The following GPC6 variants were observed in gnomAD, a reference collection of about 807,000 sequenced individuals.
GPC6 encodes the protein glypican 6.
Under a neutral mutation model 55.2 loss-of-function variants are expected in GPC6, and 14 were observed. The ratio of observed to expected loss-of-function variants is 0.25; its 90% CI spans 0.17 to 0.40. GPC6 has a LOEUF of 0.40. Among genes scored for constraint, GPC6 ranks in the 10% least tolerant of loss-of-function variants. The pLI, the probability that GPC6 is intolerant of heterozygous loss-of-function variation, is 1.00. For missense variants in GPC6, 641 were observed against 708.5 expected, an observed-to-expected ratio of 0.90 and a Z score of 1.08; for synonymous variants, 278 against 259.6, an observed-to-expected ratio of 1.07 and a Z score of -0.68.
rs138238361 is a variant in GPC6 at position 94,286,413 on chromosome 13, G to A, written c.942G>A (p.Pro314=). The change falls in exon 5 of 9, where the codon CCG becomes CCA. Residue 314 remains proline (P), a synonymous_variant. Transcript: ENST00000377047. ...GPFNIESVMD[P]IDVKISEAIM... ...TCAACATTGAGTCGGTCATGGACCCGATAGATGTCAAGATTTCTGAAGCCA... is the reference window on the plus strand; with the variant it reads ...TCAACATTGAGTCGGTCATGGACCCAATAGATGTCAAGATTTCTGAAGCCA... 1.7e-5 allele frequency: 28 copies of A among 1,613,492 alleles called. No individual in the cohort carries two copies. The highest frequency in any genetic ancestry group is 9.3e-5 in the African/African-American group (7 of 74,888).
chr13:93,801,031 T>A (rs938418233), intron 2 of GPC6, among the ~76,000 whole-genome samples: 1 of 152,220 alleles, frequency 6.6e-6, no homozygotes, highest in African/African-American at 2.4e-5. Flanking sequence ...AATGGCACAG[T>A]TATTTTTAAA....
At chr13:93,448,886 A>T (rs1000845428) in intron 1 of GPC6, among the ~76,000 whole-genome samples, 7 of 152,208 alleles carry the variant, frequency 4.6e-5, no homozygotes, top group African/African-American at 1.7e-4. Context: ...AATAAAAACA[A>T]AATAAAACTT....
chr13:94,030,318 CTTT>C (rs987254186), intron 4 of GPC6, among the ~76,000 whole-genome samples: 1 of 152,042 alleles, frequency 6.6e-6, no homozygotes, highest in Admixed American at 6.6e-5. Context: ...CCCTCTGTCT[CTTT>C]TTTTAATTAG....
In GPC6 at chr13:93,975,272, G is replaced by T. The variant is rs913179996; in HGVS notation, c.712-52457G>T. Among the ~76,000 whole-genome samples, 4 of 152,190 alleles carry T rather than the reference G, an allele frequency of 2.6e-5. No homozygotes were observed. In the East Asian group the frequency reaches 5.8e-4, roughly 22 times the overall value. On this transcript the variant is annotated intron_variant, in intron 3 of 8. Transcript: ENST00000377047. ...TAAAAAGAAATTATGTTAAACTCTTGCCAAAGGAATATTACGTTAGGGTTT... is the reference window on the plus strand; with the variant it reads ...TAAAAAGAAATTATGTTAAACTCTTTCCAAAGGAATATTACGTTAGGGTTT...
intron 1 of GPC6, among the ~76,000 whole-genome samples, chr13:93,496,109 G>A (rs113023352): frequency 0.19 from 29,463 of 151,986 alleles, 3,044 homozygotes; most frequent in Middle Eastern, 0.27. Context: ...AATGGTTGGC[G>A]CCCCTCCCCC....
intron 4 of GPC6, among the ~76,000 whole-genome samples, chr13:94,091,676 G>T (rs894691488): frequency 6.6e-6 from 1 of 152,038 alleles, no homozygotes; most frequent in African/African-American, 2.4e-5. Flanking sequence ...TCACTAGGTG[G>T]TTATTTAAAT....
chr13:94,242,584 GA>G (rs1333284251), intron 4 of GPC6, among the ~76,000 whole-genome samples: 1 of 152,026 alleles, frequency 6.6e-6, no homozygotes, highest in East Asian at 1.9e-4. Flanking sequence ...GCAGAAATCA[GA>G]CCATTCATTT....
intron 1 of GPC6, among the ~76,000 whole-genome samples, chr13:93,414,654 C>T (rs1876630437): frequency 6.6e-6 from 1 of 151,992 alleles, no homozygotes; most frequent in Non-Finnish European, 1.5e-5. Flanking sequence ...ATGTGTGGTG[C>T]CTGGGCAGAG....
At chr13:93,904,297 G>A (rs1453347627) in intron 3 of GPC6, among the ~76,000 whole-genome samples, 5 of 152,096 alleles carry the variant, frequency 3.3e-5, no homozygotes, top group Admixed American at 6.6e-5. Context: ...CTTACAAATC[G>A]CAACTGCAGC....
chr13:93,395,342 C>G, intron 1 of GPC6: 5 of 449,830 alleles, frequency 1.1e-5, no homozygotes, highest in Middle Eastern at 7.3e-4. Context: ...CCCAACTTCA[C>G]AGTTGTGTCC....
chr13:93,330,445 C>T (rs79743984), intron 1 of GPC6, among the ~76,000 whole-genome samples: 4,891 of 151,894 alleles, frequency 0.032, 278 homozygotes, highest in African/African-American at 0.11. Context: ...GGAGCATTGT[C>T]TGAGTGTGGA....
intron 4 of GPC6, among the ~76,000 whole-genome samples, chr13:94,256,896 A>T (rs1050281161): frequency 6.6e-6 from 1 of 152,208 alleles, no homozygotes; most frequent in African/African-American, 2.4e-5. Flanking sequence ...CTTTGTGTCA[A>T]TCACATACTA....
At chr13:93,647,929 C>T (rs1326702783) in intron 2 of GPC6, among the ~76,000 whole-genome samples, 1 of 152,192 alleles carries the variant, frequency 6.6e-6, no homozygotes, top group African/African-American at 2.4e-5. Flanking sequence ...TCACCTCTAA[C>T]CAGGGGTATG....
intron 2 of GPC6, among the ~76,000 whole-genome samples, chr13:93,598,340 A>T (rs1877860147): frequency 6.6e-6 from 1 of 152,142 alleles, no homozygotes; most frequent in Non-Finnish European, 1.5e-5. Flanking sequence ...TCCTGTTTTC[A>T]AACCATCTCC....
At chr13:93,462,283 T>C (rs1594186861) in intron 1 of GPC6, among the ~76,000 whole-genome samples, 1 of 152,124 alleles carries the variant, frequency 6.6e-6, no homozygotes, top group Non-Finnish European at 1.5e-5. Context: ...AGACGGAGAA[T>C]GATGATGTTC....
At chr13:93,459,506 A>G (rs1417925937) in intron 1 of GPC6, among the ~76,000 whole-genome samples, 1 of 152,204 alleles carries the variant, frequency 6.6e-6, no homozygotes, top group Non-Finnish European at 1.5e-5. Context: ...TGGTGGTCTA[A>G]ATGAAAACAA....
chr13:94,321,477 T>C (rs542224504), intron 6 of GPC6, among the ~76,000 whole-genome samples: 1 of 152,220 alleles, frequency 6.6e-6, no homozygotes, highest in Non-Finnish European at 1.5e-5. Context: ...TTTGAATTCT[T>C]TGAGAAATTG....
chr13:93,528,276 A>C (rs1052318303), intron 1 of GPC6, among the ~76,000 whole-genome samples: 26 of 152,206 alleles, frequency 1.7e-4, no homozygotes, highest in Admixed American at 2.0e-4. Context: ...GACTCACCAA[A>C]TTCAATAGTA....
intron 4 of GPC6, among the ~76,000 whole-genome samples, chr13:94,131,589 C>A (rs965753925): frequency 2.0e-5 from 3 of 152,096 alleles, no homozygotes; most frequent in African/African-American, 7.2e-5. Flanking sequence ...AATATGTAAT[C>A]TTAATGGGTC....
Sources: gnomAD v4.1 joint callset for allele counts (sites outside exome capture counted in the v4.1 genomes callset) on GRCh38, gnomAD v4.1.1 for gene constraint, MANE v1.5 for transcripts, NCBI Gene and HGNC (gene_info 2026-07-23, HGNC 2026-07-21) for gene names.